IKBKB: variants seen among roughly 807,000 people sequenced by gnomAD.
IKBKB encodes the protein inhibitor of nuclear factor kappa B kinase subunit beta, also known as inhibitor of nuclear factor kappa-B kinase subunit beta.
In IKBKB, 42 loss-of-function variants were observed where a neutral mutation model predicts 113.6. The ratio of observed to expected loss-of-function variants is 0.37; its 90% confidence interval spans 0.29 to 0.48. The LOEUF (loss-of-function observed/expected upper bound fraction) is 0.48, where lower values mean the gene tolerates loss of function less well. Among genes scored for constraint, IKBKB ranks in the 20% least tolerant of loss-of-function variants. The pLI is 0.99. For synonymous variants in IKBKB, 296 were observed against 361.3 expected (o/e 0.82, Z 2.05); for missense variants, 673 against 939.7 (o/e 0.72, Z 3.71).
intron 4 of IKBKB, among the ~76,000 whole-genome samples, chr8:42,292,774 TTTCAGATTGACCTGGCGCCGCATTCCA>T (rs1812921362): frequency 1.3e-5 from 2 of 152,036 alleles, no homozygotes; most frequent in African/African-American, 4.8e-5. Flanking sequence ...TGGGCTTGAG[TTTCAGATTGACCTGGCGCCGCATTCCA>T]GCACTGCCCT....
intron 11 of IKBKB, among the ~76,000 whole-genome samples, chr8:42,317,433 G>A (rs1042857228): frequency 6.6e-6 from 1 of 152,160 alleles, no homozygotes; most frequent in Non-Finnish European, 1.5e-5. Context: ...AACTTCCCAG[G>A]GAAGACAGAG....
At position 42,326,755 on chromosome 8, in the gene IKBKB, C is replaced by T. The variant is rs191308703; in HGVS notation, c.2114+658C>T. 6.6e-5 allele frequency among the ~76,000 whole-genome samples: 10 copies of T among 152,326 alleles called. No homozygotes were observed. In the East Asian group the frequency reaches 1.9e-3, roughly 29 times the overall value. On this transcript the variant is annotated intron_variant, in intron 20 of 21. Coordinates refer to ENST00000520810, the MANE Select transcript of IKBKB (RefSeq NM_001556.3). ...TCAAATTCTCAGGTCCTGCTGGAGA[C>T]CTCACTTGAGAGCTCAGGGTTGGGG...
At chr8:42,323,387 G>A (rs1820144482) in intron 19 of IKBKB, among the ~76,000 whole-genome samples, 1 of 152,348 alleles carries the variant, frequency 6.6e-6, no homozygotes, top group South Asian at 2.1e-4. Context: ...GTAGCTGTGA[G>A]TCCATGGGAT....
chr8:42,314,222 A>G (rs1818246823), intron 8 of IKBKB, 100 bp from the exon 9 acceptor site: 1 of 844,572 alleles, frequency 1.2e-6, no homozygotes, highest in South Asian at 1.4e-5. Context: ...GGTTTGTGTT[A>G]TGTTCACACA....
intron 2 of IKBKB, among the ~76,000 whole-genome samples, chr8:42,288,065 G>T (rs1004567168): frequency 9.2e-5 from 14 of 152,076 alleles, no homozygotes; most frequent in Non-Finnish European, 1.8e-4. Context: ...GGGCCTTGAA[G>T]GCTCTGTAGA....
At chr8:42,277,771 T>G in intron 2 of IKBKB, among the ~76,000 whole-genome samples, 1 of 152,170 alleles carries the variant, frequency 6.6e-6, no homozygotes, top group East Asian at 1.9e-4. Flanking sequence ...CCTGTCTGCG[T>G]GTGGAGTAAG....
chr8:42,285,788 G>A, intron 2 of IKBKB, among the ~76,000 whole-genome samples: 1 of 152,232 alleles, frequency 6.6e-6, no homozygotes, highest in Non-Finnish European at 1.5e-5. Flanking sequence ...CTTGGAAACA[G>A]TGCTCAGGGA....
At chr8:42,271,911 G>A (rs1186699705) in intron 1 of IKBKB, 172 bp from the exon 2 acceptor site, 1 of 711,356 alleles carries the variant, frequency 1.4e-6, no homozygotes, top group African/African-American at 1.8e-5. Context: ...ACAAAAGTTT[G>A]CCACAAAGTT....
intron 8 of IKBKB, among the ~76,000 whole-genome samples, chr8:42,311,591 GA>G (rs1817715933): frequency 6.7e-6 from 1 of 149,502 alleles, no homozygotes; most frequent in South Asian, 2.1e-4. Context: ...AAAAAGAAAA[GA>G]AAAAAAGAAT....
chr8:42,319,355 G>T lies in IKBKB; in HGVS notation c.1450G>T (p.Asp484Tyr). The change falls in exon 14 of 22, where the codon GAT becomes TAT. Residue 484 changes from aspartate (D) to tyrosine (Y), a missense_variant. Physicochemically the swap from Asp to Tyr is radical, Grantham distance 160. Around this residue, in one of 2 missense-constraint regions of IKBKB, gnomAD observed 506 missense variants for 638.7 expected, o/e 0.79. Coordinates refer to ENST00000520810, the MANE Select transcript of IKBKB (RefSeq NM_001556.3). Reference sequence around the variant, plus strand: ...GTCTCAGCAGCTCAAGGCCAAGTTGGATTTCTTCAAAACCAGCATCCAGAT... The same window carrying T: ...GTCTCAGCAGCTCAAGGCCAAGTTGTATTTCTTCAAAACCAGCATCCAGAT... ...SMSQQLKAKL[D>Y]FFKTSIQIDL... is the part of the protein sequence containing the mutation. 6.2e-7 allele frequency: 1 copy of T among 1,614,136 alleles called. No homozygotes were observed. The highest frequency in any genetic ancestry group is 2.2e-5 in the East Asian group (1 of 44,880).
chr8:42,314,281 T>C (rs1324219210), intron 8 of IKBKB, 41 bp from the exon 9 acceptor site: 1 of 1,365,104 alleles, frequency 7.3e-7, no homozygotes, highest in East Asian at 2.3e-5. Context: ...GTCCCCGTCA[T>C]AGCAACGTGT....
At chr8:42,272,331 G>A in intron 2 of IKBKB, 126 bp downstream of exon 2, 1 of 1,293,458 alleles carries the variant, frequency 7.7e-7, no homozygotes, top group Non-Finnish European at 1.1e-6. Context: ...ACAGTGAATA[G>A]GGGGACTGGG....
intron 12 of IKBKB, 76 bp from the exon 13 acceptor site, chr8:42,318,476 C>G (rs778071278): frequency 6.5e-7 from 1 of 1,531,648 alleles, no homozygotes; most frequent in African/African-American, 1.4e-5. Flanking sequence ...CCAGTAGTGT[C>G]GAAGGCAGGA....
chr8:42,319,867 A>G (rs1460585172), intron 15 of IKBKB: 2 of 504,614 alleles, frequency 4.0e-6, no homozygotes, highest in East Asian at 6.4e-5. Context: ...ATGGACAGAG[A>G]TGGTCCAGGT....
At chr8:42,326,337 A>G (rs1820726288) in intron 20 of IKBKB, 1 of 512,532 alleles carries the variant, frequency 2.0e-6, no homozygotes, top group Admixed American at 3.4e-5. Flanking sequence ...TAATGAGAAC[A>G]TTGGAAATGC....
rs1298511635 is a variant in IKBKB, at chr8:42,272,105, G to A, written c.5G>A (p.Ser2Asn). Reference sequence around the variant, plus strand: ...TAGAGTTAGCACGACATCAGTATGAGCTGGTCACCTTCCCTGACAACGCAG... The same window carrying A: ...TAGAGTTAGCACGACATCAGTATGAACTGGTCACCTTCCCTGACAACGCAG... M[S>N]WSPSLTTQTC... Residue 2 changes from serine to asparagine, a missense_variant, in exon 2 of 22, where the codon AGC (serine) becomes AAC (asparagine). Ser to Asn is a conservative substitution (Grantham distance 46). This residue lies in a region of IKBKB where 167 missense variants were observed against 301.0 expected (regional missense o/e 0.55). Transcript: ENST00000520810. The A allele has an allele frequency of 1.2e-6, 2 of 1,613,962 alleles. No individual in the cohort carries two copies. The highest frequency in any genetic ancestry group is 2.7e-5 in the African/African-American group (2 of 74,898).
At chr8:42,314,872 A>T (rs565077349) in intron 9 of IKBKB, among the ~76,000 whole-genome samples, 1 of 152,358 alleles carries the variant, frequency 6.6e-6, no homozygotes, top group East Asian at 1.9e-4. Flanking sequence ...TAAGAAATTA[A>T]CATAGTCCTT....
At chr8:42,329,488 G>A (rs1047780539) in intron 21 of IKBKB, 1 of 851,254 alleles carries the variant, frequency 1.2e-6, no homozygotes, top group South Asian at 5.4e-5. Context: ...ACATTCAGCT[G>A]ATTTTTTCAG....
Position 42,326,370 on chromosome 8 carries a change from C to T in IKBKB, c.2114+273C>T, listed in dbSNP as rs1432376398. On this transcript the variant is annotated intron_variant, in intron 20 of 21. Coordinates refer to ENST00000520810, the MANE Select transcript of IKBKB (RefSeq NM_001556.3). ...TGCTGGTCAGGCACATGCTGTTACC[C>T]TTTATCCATAGGAAGCCACATTCCC... 29 of 399,812 alleles carry T rather than the reference C, an allele frequency of 7.3e-5. No individual in the cohort carries two copies. The East Asian group carries it at 1.5e-3, about 21-fold the overall frequency. 24.8% of individuals were successfully genotyped at this position (399,812 alleles called of 1,614,324 possible). A position where few individuals can be genotyped will look rare whatever the true frequency, so the allele number is the denominator to read the frequency against.
Sources: allele counts gnomAD v4.1 joint callset (sites outside exome capture counted in the v4.1 genomes callset), GRCh38; gene constraint gnomAD v4.1.1; regional missense constraint gnomAD v4.1.1; transcripts MANE v1.5; gene names NCBI Gene and HGNC (gene_info 2026-07-23, HGNC 2026-07-21).